The following PCMTD2 variants were observed in gnomAD, a reference collection of about 807,000 sequenced individuals.
PCMTD2 encodes protein-L-isoaspartate O-methyltransferase domain-containing protein 2.
Under a neutral mutation model 33.4 loss-of-function variants are expected in PCMTD2, and 16 were observed. The ratio of observed to expected loss-of-function variants is 0.48; its 90% CI spans 0.32 to 0.73. The LOEUF (loss-of-function observed/expected upper bound fraction) is 0.73. Among genes scored for constraint, PCMTD2 ranks in the 30% least tolerant of loss-of-function variants. The pLI is 0.03. For synonymous variants in PCMTD2, 161 were observed against 160.8 expected (o/e 1.00, Z -0.01); for missense variants, 374 against 449.9 (o/e 0.83, Z 1.53).
At chr20:64,269,555 A>G (rs1341302742) in intron 5 of PCMTD2, among the ~76,000 whole-genome samples, 2 of 152,220 alleles carry the variant, frequency 1.3e-5, no homozygotes, top group African/African-American at 4.8e-5. Context: ...CCAGTTTCCT[A>G]TACTAGTAAA....
chr20:64,259,225 G>A (rs556193198), intron 1 of PCMTD2, among the ~76,000 whole-genome samples: 2 of 152,264 alleles, frequency 1.3e-5, no homozygotes, highest in South Asian at 4.1e-4. Context: ...AATTTGGGAA[G>A]AGTGTTTTCT....
In PCMTD2 at chr20:64,264,623, CAT is replaced by C. The variant is rs1985575871; in HGVS notation, c.410+94_410+95del. 4 of 699,802 alleles carry C rather than the reference CAT, an allele frequency of 5.7e-6. No homozygotes were observed. In the Admixed American group the frequency reaches 6.4e-5, roughly 11 times the overall value. 43.3% of individuals were successfully genotyped at this position (699,802 alleles called of 1,614,324 possible). ...TAGAAAGAAATCATGTGGTAGGAAA[CAT>C]AATTAAACTGTGGTGGGATGATTCT... On this transcript the variant is annotated intron_variant, in intron 3 of 5. Transcript: ENST00000308824.
At chr20:64,270,070 GGGCGTGCACGGTGTGGGGTCTTGAGTTCA>G (rs1350257684) in intron 5 of PCMTD2, among the ~76,000 whole-genome samples, 20 of 149,724 alleles carry the variant, frequency 1.3e-4, no homozygotes, top group African/African-American at 4.9e-4. Context: ...TTGTGAGTGC[GGGCGTGCACGGTGTGGGGTCTTGAGTTCA>G]GGCGTGCACG....
intron 4 of PCMTD2, among the ~76,000 whole-genome samples, chr20:64,266,367 T>C (rs6011377): frequency 0.56 from 84,940 of 152,064 alleles, 25,827 homozygotes; most frequent in African/African-American, 0.8. Flanking sequence ...AAGCGATTCT[T>C]CTGCCTCAGC....
rs1255433022 is a variant in PCMTD2 at position 64,264,550 on chromosome 20, C to T, written c.410+19C>T. On this transcript the variant is annotated intron_variant, in intron 3 of 5. Coordinates refer to ENST00000308824, the MANE Select transcript of PCMTD2 (RefSeq NM_018257.3). ...TTGACAAGTAAGATGAAATACTATC[C>T]ATTGGCTCAGATGATGTGAACTGTA... 3.4e-6 allele frequency: 4 copies of T among 1,174,790 alleles called. No homozygotes were observed. Among genetic ancestry groups the T allele is most frequent in the East Asian group, 2.3e-5 (1 of 42,904 alleles). The allele number at this position is 1,174,790 out of a possible 1,614,324, so 72.8% of individuals were successfully genotyped here. A position where few individuals can be genotyped will look rare whatever the true frequency, so the allele number is the denominator to read the frequency against.
In PCMTD2 at chr20:64,274,441, A is replaced by T. The variant is rs1986035015; in HGVS notation, c.*841A>T. The stretch of plus-strand genomic sequence containing the variant: ...GTGAAGTTACATTTGCCCTAACCCT[A>T]GGGATGATTCTTTACCCAGTTTTAA... On this transcript the variant is annotated 3_prime_UTR_variant, in exon 6 of 6. Transcript: ENST00000308824. The T allele has an allele frequency of 3.3e-5, 5 of 152,220 alleles. 1 individual carries two copies. The South Asian group carries it at 1.0e-3, about 32-fold the overall frequency. 9.4% of individuals were successfully genotyped at this position (152,220 alleles called of 1,614,324 possible).
Position 64,273,962 on chromosome 20 carries a change from C to A in PCMTD2, c.*362C>A, listed in dbSNP as rs41279354. ...CCTCATGCAACATGCACGGTACTCA[C>A]TAAAAATGAAAACTGAAGTGGAAAC... is the stretch of plus-strand genomic sequence containing the variant. On this transcript the variant is annotated 3_prime_UTR_variant, in exon 6 of 6. Transcript: ENST00000308824. The A allele has an allele frequency of 1.1e-5, 2 of 179,762 alleles. No individual in the cohort carries two copies. The highest frequency in any genetic ancestry group is 1.5e-4 in the East Asian group (1 of 6,742). The allele number at this position is 179,762 out of a possible 1,614,324, so 11.1% of individuals were successfully genotyped here.
rs753025767 is a variant in PCMTD2 at position 64,275,003 on chromosome 20, T to TG, written c.*1406dup. On this transcript the variant is annotated 3_prime_UTR_variant, in exon 6 of 6. Coordinates refer to ENST00000308824, the MANE Select transcript of PCMTD2 (RefSeq NM_018257.3). ...TTTTTAATCTTAATCCTCAGCTTCT[T>TG]GGGAGTTGCTGGGCTTCAGTGTCTC... The TG allele has an allele frequency of 6.6e-6, 1 of 152,176 alleles. No individual in the cohort carries two copies. Among genetic ancestry groups the TG allele is most frequent in the Non-Finnish European group, 1.5e-5 (1 of 68,030 alleles). 9.4% of individuals were successfully genotyped at this position (152,176 alleles called of 1,614,324 possible). A position where few individuals can be genotyped will look rare whatever the true frequency, so the allele number is the denominator to read the frequency against.
chr20:64,270,656 C>T (rs557191684), intron 5 of PCMTD2, among the ~76,000 whole-genome samples: 2 of 152,086 alleles, frequency 1.3e-5, no homozygotes, highest in Non-Finnish European at 2.9e-5. Context: ...ATTTTCCAGG[C>T]GAGAGATAAA....
In PCMTD2 at chr20:64,275,914, A is replaced by T. The variant is rs1986079261; in HGVS notation, c.*2314A>T. On this transcript the variant is annotated 3_prime_UTR_variant, in exon 6 of 6. Coordinates refer to ENST00000308824, the MANE Select transcript of PCMTD2 (RefSeq NM_018257.3). ...GTGAGCATCAAATGTGTATGTAAAA[A>T]TACTTTTTACCAGTCTGGAACTTGG... The T allele has an allele frequency of 6.6e-6, 1 of 152,246 alleles. No individual in the cohort carries two copies. Among genetic ancestry groups the T allele is most frequent in the African/African-American group, 2.4e-5 (1 of 41,462 alleles). 9.4% of individuals were successfully genotyped at this position (152,246 alleles called of 1,614,324 possible).
rs1461183587 is a variant in PCMTD2, at chr20:64,274,529, A to T, written c.*929A>T. On this transcript the variant is annotated 3_prime_UTR_variant, in exon 6 of 6. Coordinates refer to ENST00000308824, the MANE Select transcript of PCMTD2 (RefSeq NM_018257.3). ...TCCTCAGAGCAGGTCGAAAATATTA[A>T]ATAGACTGGGGACTCTATGATGGGC... 6.6e-6 allele frequency: 1 copy of T among 152,192 alleles called. No homozygotes were observed. The highest frequency in any genetic ancestry group is 1.9e-4 in the East Asian group (1 of 5,204). The allele number at this position is 152,192 out of a possible 1,614,324, so 9.4% of individuals were successfully genotyped here.
chr20:64,260,346 T>C lies in PCMTD2; in HGVS notation c.307+74T>C, dbSNP rs1985356052. ...GCATCTCCTTTGACAGAAAATGTAG[T>C]CTGCTAATGGCCTGCCTGGGTCGAG... On this transcript the variant is annotated intron_variant, in intron 2 of 5. Coordinates refer to ENST00000308824, the MANE Select transcript of PCMTD2 (RefSeq NM_018257.3). 3 of 1,066,214 alleles carry C rather than the reference T, an allele frequency of 2.8e-6. No homozygotes were observed. The East Asian group carries it at 7.1e-5, about 25-fold the overall frequency. The allele number at this position is 1,066,214 out of a possible 1,614,324, so 66.0% of individuals were successfully genotyped here. A position where few individuals can be genotyped will look rare whatever the true frequency, so the allele number is the denominator to read the frequency against.
At chr20:64,266,895 A>G (rs980683560) in intron 4 of PCMTD2, among the ~76,000 whole-genome samples, 5 of 152,170 alleles carry the variant, frequency 3.3e-5, no homozygotes, top group African/African-American at 1.2e-4. Context: ...TTCTATTGAA[A>G]TACTTGTTTT....
In PCMTD2 at chr20:64,275,462, TTG is replaced by T. The variant is rs1230182684; in HGVS notation, c.*1864_*1865del. The stretch of plus-strand genomic sequence containing the variant: ...AAACCGCATTTGCCTTTATGCTAGA[TTG>T]TAAAAAATTATATTAGAATGCATAA... On this transcript the variant is annotated 3_prime_UTR_variant, in exon 6 of 6. Transcript: ENST00000308824. The T allele has an allele frequency of 6.6e-6, 1 of 152,226 alleles. No homozygotes were observed. 9.4% of individuals were successfully genotyped at this position (152,226 alleles called of 1,614,324 possible). A position where few individuals can be genotyped will look rare whatever the true frequency, so the allele number is the denominator to read the frequency against.
chr20:64,264,664 A>G (rs957409113), intron 3 of PCMTD2, 133 bp downstream of exon 3: 3 of 609,302 alleles, frequency 4.9e-6, no homozygotes, highest in African/African-American at 3.7e-5. Context: ...TGCCTGTTCT[A>G]ATTTTCAGAA....
chr20:64,264,635 G>A (rs1985576224), intron 3 of PCMTD2, 104 bp downstream of exon 3: 4 of 668,876 alleles, frequency 6.0e-6, no homozygotes, highest in Admixed American at 4.7e-5. Flanking sequence ...TAATTAAACT[G>A]TGGTGGGATG....
At chr20:64,259,386 CTTTTTTTTTT>C (rs3076992) in intron 1 of PCMTD2, among the ~76,000 whole-genome samples, 2 of 118,732 alleles carry the variant, frequency 1.7e-5, no homozygotes, top group Non-Finnish European at 3.4e-5. Flanking sequence ...TTTCTTTTCT[CTTTTTTTTTT>C]TTTTTTTTTT....
chr20:64,273,102 T>G, intron 5 of PCMTD2, 119 bp from the exon 6 acceptor site: 1 of 767,600 alleles, frequency 1.3e-6, no homozygotes, highest in Non-Finnish European at 2.1e-6. Context: ...CTCATATTCT[T>G]GTAACATATT....
intron 2 of PCMTD2, among the ~76,000 whole-genome samples, chr20:64,263,240 A>G (rs1487241511): frequency 6.6e-6 from 1 of 152,180 alleles, no homozygotes; most frequent in Non-Finnish European, 1.5e-5. Context: ...TGATGTTGTA[A>G]ACAGTGAAAA....
Sources: allele counts gnomAD v4.1 joint callset (sites outside exome capture counted in the v4.1 genomes callset), GRCh38; gene constraint gnomAD v4.1.1; transcripts MANE v1.5; gene names NCBI Gene and HGNC (gene_info 2026-07-23, HGNC 2026-07-21).